XYLB: variants seen among roughly 807,000 people sequenced by gnomAD.
XYLB encodes xylulose kinase.
In XYLB, 62 loss-of-function variants were observed where a neutral mutation model predicts 78.7. The observed-to-expected ratio is 0.79, with a 90% CI of 0.64 to 0.97. XYLB has a LOEUF of 0.97. XYLB is among the 50% of genes least tolerant of loss of function. The pLI is 0.00. For missense variants in XYLB, 687 were observed against 676.8 expected (o/e 1.02, Z -0.17); for synonymous variants, 245 against 247.4 (o/e 0.99, Z 0.09).
At chr3:38,395,041 T>A (rs1446245698) in intron 15 of XYLB, among the ~76,000 whole-genome samples, 1 of 152,166 alleles carries the variant, frequency 6.6e-6, no homozygotes, top group Admixed American at 6.5e-5. Context: ...CACAAGGTTC[T>A]ATTGGGTATA....
At chr3:38,429,997 A>G in the XYLB span, among the ~76,000 whole-genome samples, 1 of 152,182 alleles carries the variant, frequency 6.6e-6, no homozygotes, top group East Asian at 1.9e-4. Context: ...GCTATTGTGA[A>G]TAGTGCCACA....
intron 18 of XYLB, among the ~76,000 whole-genome samples, chr3:38,408,127 C>T (rs1349479187): frequency 6.6e-5 from 10 of 151,454 alleles, no homozygotes. Flanking sequence ...TGACCACATA[C>T]TTGGAAGTAA....
chr3:38,392,218 T>G (rs1257537068), intron 15 of XYLB, among the ~76,000 whole-genome samples: 1 of 152,222 alleles, frequency 6.6e-6, no homozygotes, highest in African/African-American at 2.4e-5. Context: ...GCAACAACCT[T>G]TAAATCTGTT....
intron 15 of XYLB, among the ~76,000 whole-genome samples, chr3:38,389,251 A>AGGGTTG (rs1707538612): frequency 6.9e-6 from 1 of 145,196 alleles, no homozygotes; most frequent in Non-Finnish European, 1.5e-5. Flanking sequence ...CAGAGAGCAC[A>AGGGTTG]GGGTTGGGGG....
intron 16 of XYLB, 134 bp downstream of exon 16, chr3:38,395,697 G>A: frequency 1.1e-6 from 1 of 907,784 alleles, no homozygotes; most frequent in East Asian, 2.6e-5. Flanking sequence ...CACACTCCAG[G>A]AAGCAGCTCT....
rs948767093 is a variant in XYLB at position 38,411,527 on chromosome 3, T to TA, written c.1534-1398dup. On this transcript the variant is annotated intron_variant, in intron 18 of 18. Coordinates refer to ENST00000207870, the MANE Select transcript of XYLB (RefSeq NM_005108.4). ...CACATGTACCCTAAAACTTAAAGTA[T>TA]AAAAAAAAAAATCTGGCAAATTTTT... is the stretch of plus-strand genomic sequence containing the variant. Among the ~76,000 whole-genome samples, 364 of 145,272 alleles carry TA rather than the reference T, an allele frequency of 2.5e-3. 2 individuals carry two copies. Among genetic ancestry groups the TA allele is most frequent in the African/African-American group, 7.7e-3 (308 of 39,920 alleles).
At chr3:38,386,079 C>T (rs1022896244) in intron 15 of XYLB, among the ~76,000 whole-genome samples, 1 of 152,156 alleles carries the variant, frequency 6.6e-6, no homozygotes, top group Non-Finnish European at 1.5e-5. Context: ...AGTCCAACAC[C>T]ATGGGGTTCA....
chr3:38,444,390 A>T, the XYLB span, among the ~76,000 whole-genome samples: 1 of 152,140 alleles, frequency 6.6e-6, no homozygotes. Context: ...GCTTATCATT[A>T]ATAGGAAGGG....
chr3:38,427,519 T>G, the XYLB span, among the ~76,000 whole-genome samples: 1 of 152,240 alleles, frequency 6.6e-6, no homozygotes, highest in Non-Finnish European at 1.5e-5. Context: ...TTGATCACAC[T>G]TTTTTCCTAT....
intron 2 of XYLB, chr3:38,355,962 AT>A: frequency 1.7e-6 from 1 of 595,078 alleles, no homozygotes; most frequent in Non-Finnish European, 3.0e-6. Flanking sequence ...TTTAAAGAAA[AT>A]ACTGGGGCCA....
At chr3:38,410,146 A>G (rs1231409609) in intron 18 of XYLB, among the ~76,000 whole-genome samples, 2 of 152,252 alleles carry the variant, frequency 1.3e-5, no homozygotes, top group Admixed American at 1.3e-4. Context: ...CTACAAGGCT[A>G]CAGTAATCAA....
At chr3:38,393,683 G>C (rs1444228573) in intron 15 of XYLB, among the ~76,000 whole-genome samples, 1 of 152,154 alleles carries the variant, frequency 6.6e-6, no homozygotes, top group Non-Finnish European at 1.5e-5. Context: ...TCCTTAGCTT[G>C]TAGATGGTCA....
At chr3:38,370,325 G>A (rs1448350759) in intron 9 of XYLB, 151 bp downstream of exon 9, 3 of 624,092 alleles carry the variant, frequency 4.8e-6, no homozygotes, top group African/African-American at 3.7e-5. Flanking sequence ...AGGGTCTTCA[G>A]TTTAGCCTAA....
chr3:38,349,307 A>G (rs1335922679), intron 2 of XYLB, among the ~76,000 whole-genome samples: 2 of 152,218 alleles, frequency 1.3e-5, no homozygotes, highest in Admixed American at 6.5e-5. Flanking sequence ...GCCATGGTAT[A>G]GAGTTTGTCT....
At chr3:38,412,594 A>T (rs974758632) in intron 18 of XYLB, among the ~76,000 whole-genome samples, 1 of 152,142 alleles carries the variant, frequency 6.6e-6, no homozygotes. Flanking sequence ...CTTAATACAG[A>T]TATAAAGTCA....
rs1246309849 is a variant in XYLB at position 38,414,496 on chromosome 3, C to T, written c.*1483C>T. 6.6e-6 allele frequency: 1 copy of T among 152,058 alleles called. No homozygotes were observed. The highest frequency in any genetic ancestry group is 2.1e-4 in the South Asian group (1 of 4,824). The allele number at this position is 152,058 out of a possible 1,614,324, so 9.4% of individuals were successfully genotyped here. A position where few individuals can be genotyped will look rare whatever the true frequency, so the allele number is the denominator to read the frequency against. ...TTATTGTCCAGCAGAAAAAGGCTGTCTTGGACCATGAAACAGTAAACTGTA... is the reference window on the plus strand; with the variant it reads ...TTATTGTCCAGCAGAAAAAGGCTGTTTTGGACCATGAAACAGTAAACTGTA... On this transcript the variant is annotated 3_prime_UTR_variant, in exon 19 of 19. Coordinates refer to ENST00000207870, the MANE Select transcript of XYLB (RefSeq NM_005108.4).
exon 18 of XYLB, among the ~76,000 whole-genome samples, chr3:38,420,009 G>A (rs1190723628): frequency 2.6e-5 from 4 of 151,768 alleles, no homozygotes; most frequent in East Asian, 1.9e-4. Context: ...TAGTAGAGAC[G>A]GGATTTCACC....
intron 17 of XYLB, among the ~76,000 whole-genome samples, chr3:38,400,220 C>T (rs1162343562): frequency 1.3e-5 from 2 of 152,144 alleles, no homozygotes; most frequent in Non-Finnish European, 2.9e-5. Flanking sequence ...GTGTGCTAGG[C>T]ACCATGGTTA....
At chr3:38,442,381 C>G in the XYLB span, among the ~76,000 whole-genome samples, 7 of 152,164 alleles carry the variant, frequency 4.6e-5, no homozygotes, top group African/African-American at 1.7e-4. Context: ...GAGAAGTGGC[C>G]TAGAACTTGG....
Sources: gnomAD v4.1 joint callset for allele counts (sites outside exome capture counted in the v4.1 genomes callset) on GRCh38, gnomAD v4.1.1 for gene constraint, MANE v1.5 for transcripts, NCBI Gene and HGNC (gene_info 2026-07-23, HGNC 2026-07-21) for gene names.